The following EPM2A variants were observed in gnomAD, a reference collection of about 807,000 sequenced individuals.
EPM2A encodes EPM2A glucan phosphatase, laforin.
A neutral mutation model predicts 26.5 loss-of-function variants in EPM2A; 21 were observed. That is an observed-to-expected ratio of 0.79 (90% CI 0.56 to 1.14). The LOEUF (loss-of-function observed/expected upper bound fraction) is 1.14, where lower values mean the gene tolerates loss of function less well. Among genes scored for constraint, EPM2A ranks in the 50% most tolerant of loss-of-function variants. EPM2A has a pLI of 0.00. For synonymous variants in EPM2A, 217 were observed against 177.6 expected (o/e 1.22, Z -1.76); for missense variants, 458 against 440.8 (o/e 1.04, Z -0.35).
intron 2 of EPM2A, among the ~76,000 whole-genome samples, chr6:145,658,021 A>G (rs1778420019): frequency 6.6e-6 from 1 of 152,184 alleles, no homozygotes; most frequent in African/African-American, 2.4e-5. Flanking sequence ...TTTTCTCAGT[A>G]CACTAGCTAT....
chr6:145,728,939 G>C (rs1447276508), intron 1 of EPM2A, among the ~76,000 whole-genome samples: 1 of 152,128 alleles, frequency 6.6e-6, no homozygotes, highest in Non-Finnish European at 1.5e-5. Flanking sequence ...TCACTACCCT[G>C]TACAACCTCA....
intron 4 of EPM2A, among the ~76,000 whole-genome samples, chr6:145,429,378 T>C (rs1248107514): frequency 6.6e-6 from 1 of 152,202 alleles, no homozygotes; most frequent in African/African-American, 2.4e-5. Flanking sequence ...CTTTTCTATA[T>C]TATTTGCTTC....
At chr6:145,527,354 C>T (rs544039825) in intron 2 of EPM2A, among the ~76,000 whole-genome samples, 2 of 152,120 alleles carry the variant, frequency 1.3e-5, no homozygotes, top group Admixed American at 1.3e-4. Context: ...TGGTTTTCTG[C>T]CTCAATGATC....
At chr6:145,534,667 CT>C (rs1384650110) in intron 2 of EPM2A, among the ~76,000 whole-genome samples, 1 of 152,232 alleles carries the variant, frequency 6.6e-6, no homozygotes, top group African/African-American at 2.4e-5. Flanking sequence ...ACTAGCTCTC[CT>C]CCCTTAACTG....
chr6:145,445,545 A>G (rs1195230154), intron 4 of EPM2A, among the ~76,000 whole-genome samples: 1 of 152,188 alleles, frequency 6.6e-6, no homozygotes, highest in East Asian at 1.9e-4. Context: ...GTATTCTAAA[A>G]TTCTACAGAG....
intron 2 of EPM2A, among the ~76,000 whole-genome samples, chr6:145,607,427 G>A (rs1194595399): frequency 2.0e-5 from 3 of 152,110 alleles, no homozygotes; most frequent in Non-Finnish European, 4.4e-5. Flanking sequence ...GCATTCTGGA[G>A]AACATAATCA....
At chr6:145,558,788 C>T (rs558480062) in intron 2 of EPM2A, among the ~76,000 whole-genome samples, 18 of 152,170 alleles carry the variant, frequency 1.2e-4, no homozygotes, top group African/African-American at 2.2e-4. Flanking sequence ...GTTGTAGATA[C>T]GGTAACTGCT....
In EPM2A at chr6:145,585,874, C is replaced by T. The variant is rs144101609; in HGVS notation, c.340+49371G>A. Reference sequence around the variant, plus strand: ...ATGGCTAATTTTGCCTTGTTCCCGACGCAAAACCCTTCTACGTATTTATCC... The same window carrying T: ...ATGGCTAATTTTGCCTTGTTCCCGATGCAAAACCCTTCTACGTATTTATCC... On this transcript the variant is annotated intron_variant, in intron 2 of 3. Coordinates refer to the EPM2A transcript ENST00000450221. Among the ~76,000 whole-genome samples the T allele has an allele frequency of 1.6e-3, 250 of 152,304 alleles. 1 individual carries two copies. Among genetic ancestry groups the T allele is most frequent in the Non-Finnish European group, 2.5e-3 (172 of 68,018 alleles).
intron 1 of EPM2A, among the ~76,000 whole-genome samples, chr6:145,717,099 C>A (rs1189348243): frequency 2.0e-5 from 3 of 152,124 alleles, no homozygotes; most frequent in African/African-American, 4.8e-5. Context: ...AAGAGGGAAT[C>A]CTCCCTAACT....
chr6:145,468,938 T>C (rs529289358), intron 4 of EPM2A, among the ~76,000 whole-genome samples: 40 of 152,182 alleles, frequency 2.6e-4, no homozygotes, highest in Admixed American at 1.3e-3. Context: ...AACAACTATA[T>C]AGAAAAATAA....
At chr6:145,409,217 GTTTA>G (rs1012615239) in intron 4 of EPM2A, among the ~76,000 whole-genome samples, 5 of 151,916 alleles carry the variant, frequency 3.3e-5, no homozygotes, top group African/African-American at 1.2e-4. Context: ...GCAACTTATG[GTTTA>G]TTAAGTCCTT....
At chr6:145,667,865 G>A (rs1303976948) in intron 2 of EPM2A, among the ~76,000 whole-genome samples, 3 of 150,602 alleles carry the variant, frequency 2.0e-5, no homozygotes, top group Non-Finnish European at 4.4e-5. Context: ...TCCTTTGTAG[G>A]GACGTGGATG....
chr6:145,735,144 G>T, intron 1 of EPM2A, 54 bp downstream of exon 1: 1 of 1,361,336 alleles, frequency 7.3e-7, no homozygotes, highest in South Asian at 1.4e-5. Context: ...CCCGGTTGGG[G>T]GTGCGGGCCG....
chr6:145,626,266 G>A lies in EPM2A; in HGVS notation c.*1150C>T, dbSNP rs1775801112. The A allele has an allele frequency of 1.0e-6, 1 of 989,132 alleles. No homozygotes were observed. The highest frequency in any genetic ancestry group is 4.6e-5 in the South Asian group (1 of 21,584). The allele number at this position is 989,132 out of a possible 1,614,324, so 61.3% of individuals were successfully genotyped here. On this transcript the variant is annotated 3_prime_UTR_variant, in exon 4 of 4. Coordinates refer to ENST00000367519, the MANE Select transcript of EPM2A (RefSeq NM_005670.4). ...TCTCTGTATTTCCTGTAGAACCTAG[G>A]GTGATGAGCTGCATAGTCTGGAGGC... is the stretch of plus-strand genomic sequence containing the variant.
chr6:145,729,586 GTC>G (rs1776381005), intron 1 of EPM2A, among the ~76,000 whole-genome samples: 1 of 151,982 alleles, frequency 6.6e-6, no homozygotes, highest in Non-Finnish European at 1.5e-5. Context: ...TTTGACTAAC[GTC>G]TCCCTTTTGG....
chr6:145,393,180 G>A (rs1019945219), intron 4 of EPM2A, among the ~76,000 whole-genome samples: 3 of 151,938 alleles, frequency 2.0e-5, no homozygotes, highest in South Asian at 2.1e-4. Context: ...ATTGGCTTTC[G>A]TGTTCAACTA....
rs572778395 is a variant in EPM2A, at chr6:145,514,311, C to T, written c.341-11736G>A. Among the ~76,000 whole-genome samples the T allele has an allele frequency of 2.6e-5, 4 of 152,154 alleles. No homozygotes were observed. The East Asian group carries it at 7.7e-4, about 29-fold the overall frequency. ...ATAACTGAGTCAGATACCAGCAAAC[C>T]TCAGGGACGTGAGCTCAGAGTCAAA... is the stretch of plus-strand genomic sequence containing the variant. On this transcript the variant is annotated intron_variant, in intron 2 of 3. Transcript: ENST00000450221.
chr6:145,551,301 A>T (rs1352288225), intron 2 of EPM2A, among the ~76,000 whole-genome samples: 1 of 152,056 alleles, frequency 6.6e-6, no homozygotes, highest in Non-Finnish European at 1.5e-5. Flanking sequence ...GTGAAACAGT[A>T]AGTCTGAGTG....
chr6:145,699,868 C>A (rs989355751), intron 1 of EPM2A, among the ~76,000 whole-genome samples: 1 of 152,124 alleles, frequency 6.6e-6, no homozygotes, highest in Non-Finnish European at 1.5e-5. Context: ...AAATAGGAAG[C>A]ATTTCAAAGG....
Sources: gnomAD v4.1 joint callset for allele counts (sites outside exome capture counted in the v4.1 genomes callset) on GRCh38, gnomAD v4.1.1 for gene constraint, MANE v1.5 for transcripts, NCBI Gene and HGNC (gene_info 2026-07-23, HGNC 2026-07-21) for gene names.